AUTS2: variants seen among roughly 807,000 people sequenced by gnomAD.
AUTS2 encodes the protein autism susceptibility gene 2 protein.
A neutral mutation model predicts 112.4 loss-of-function variants in AUTS2; 17 were observed. That is an observed-to-expected ratio of 0.15 (90% CI 0.10 to 0.23). The LOEUF is 0.23. Ranked by LOEUF, AUTS2 falls within the 10% of genes least tolerant of loss-of-function variation. AUTS2 has a pLI of 1.00. For missense variants in AUTS2, 1,510 were observed against 1,701.6 expected, an observed-to-expected ratio of 0.89 and a Z score of 1.98; for synonymous variants, 751 against 702.7, an observed-to-expected ratio of 1.07 and a Z score of -1.09.
intron 1 of AUTS2, among the ~76,000 whole-genome samples, chr7:69,675,514 T>G (rs1373533886): frequency 6.1e-5 from 9 of 147,056 alleles, no homozygotes; most frequent in Non-Finnish European, 1.2e-4. Context: ...GGTTTTTTTT[T>G]TTTTTTTTTT....
rs191120024 is a variant in AUTS2 at position 70,641,057 on chromosome 7, C to T, written c.691-57512C>T. 1.7e-3 allele frequency among the ~76,000 whole-genome samples: 264 copies of T among 152,312 alleles called. 1 individual carries two copies. The highest frequency in any genetic ancestry group is 6.0e-3 in the African/African-American group (250 of 41,578). On this transcript the variant is annotated intron_variant, in intron 5 of 18. Coordinates refer to ENST00000342771, the MANE Select transcript of AUTS2 (RefSeq NM_015570.4). ...TTGGTCTAATCCCTCACCCAGCTTC[C>T]AGCCACACTAGTCCACCCGGCTCCA...
At chr7:69,846,975 G>A (rs1397362212) in intron 1 of AUTS2, among the ~76,000 whole-genome samples, 1 of 152,128 alleles carries the variant, frequency 6.6e-6, no homozygotes, top group Non-Finnish European at 1.5e-5. Flanking sequence ...TATAGTAGCA[G>A]GTGGTTGAGG....
chr7:69,613,557 A>C (rs1391808628), intron 1 of AUTS2, among the ~76,000 whole-genome samples: 1 of 152,172 alleles, frequency 6.6e-6, no homozygotes, highest in Non-Finnish European at 1.5e-5. Flanking sequence ...GTCTGTTCTA[A>C]ACCCTTGCAC....
intron 2 of AUTS2, among the ~76,000 whole-genome samples, chr7:70,111,348 C>A (rs1805079839): frequency 6.6e-6 from 1 of 152,170 alleles, no homozygotes. Flanking sequence ...AGGATGCTGA[C>A]TTTCTGGAGT....
chr7:70,733,243 T>C (rs1402547395), intron 6 of AUTS2, among the ~76,000 whole-genome samples: 1 of 152,144 alleles, frequency 6.6e-6, no homozygotes, highest in Non-Finnish European at 1.5e-5. Flanking sequence ...GTATCTTAAA[T>C]GGGATGCTTC....
At chr7:70,503,107 G>C (rs1186353701) in intron 5 of AUTS2, among the ~76,000 whole-genome samples, 2 of 152,092 alleles carry the variant, frequency 1.3e-5, no homozygotes, top group African/African-American at 4.8e-5. Context: ...CGAGGTAGCA[G>C]CACCCATAGG....
intron 1 of AUTS2, among the ~76,000 whole-genome samples, chr7:69,888,859 C>T (rs1794397001): frequency 6.6e-6 from 1 of 152,044 alleles, no homozygotes; most frequent in African/African-American, 2.4e-5. Flanking sequence ...CAGGCATGAG[C>T]CACCAGGCCC....
intron 1 of AUTS2, among the ~76,000 whole-genome samples, chr7:69,697,160 T>G (rs977484049): frequency 1.3e-5 from 2 of 152,232 alleles, no homozygotes; most frequent in African/African-American, 4.8e-5. Context: ...GCCTTAAAAT[T>G]TGCATTTCTC....
intron 6 of AUTS2, among the ~76,000 whole-genome samples, chr7:70,755,997 C>G (rs1789172485): frequency 6.6e-6 from 1 of 151,900 alleles, no homozygotes; most frequent in African/African-American, 2.4e-5. Flanking sequence ...TTGTTTTGCA[C>G]TTTTCCTCCT....
At chr7:70,438,674 G>A (rs370932834) in intron 5 of AUTS2, among the ~76,000 whole-genome samples, 15 of 152,268 alleles carry the variant, frequency 9.9e-5, no homozygotes, top group African/African-American at 3.1e-4. Flanking sequence ...CTGCTCTGTC[G>A]GAGCCTGGGT....
chr7:70,772,462 G>A lies in AUTS2; in HGVS notation c.1830+818G>A, dbSNP rs1038421893. On this transcript the variant is annotated intron_variant, in intron 11 of 18. Coordinates refer to ENST00000342771, the MANE Select transcript of AUTS2 (RefSeq NM_015570.4). ...CCTTCACACAAAAATAAAAAGAGCC[G>A]TACTTTCATGTGGGTAACCATTCTC... Among the ~76,000 whole-genome samples the A allele has an allele frequency of 3.3e-5, 5 of 152,130 alleles. No individual in the cohort carries two copies. In the South Asian group the frequency reaches 8.3e-4, roughly 25 times the overall value.
At chr7:70,272,236 A>T (rs964573474) in intron 4 of AUTS2, among the ~76,000 whole-genome samples, 14 of 138,722 alleles carry the variant, frequency 1.0e-4, no homozygotes, top group African/African-American at 1.8e-4. Flanking sequence ...TAGTTAAATT[A>T]AAAAAAAAAA....
intron 4 of AUTS2, among the ~76,000 whole-genome samples, chr7:70,195,507 CG>C (rs1250756772): frequency 6.6e-6 from 1 of 152,008 alleles, no homozygotes; most frequent in Non-Finnish European, 1.5e-5. Flanking sequence ...GAAAATTAGT[CG>C]GGCACTGTGC....
chr7:69,888,569 A>ATATATATG (rs1382059189), intron 1 of AUTS2, among the ~76,000 whole-genome samples: 1 of 141,548 alleles, frequency 7.1e-6, no homozygotes, highest in Non-Finnish European at 1.5e-5. Context: ...ATATATATAT[A>ATATATATG]TATGTATGGT....
chr7:69,647,568 C>T (rs1795080816), intron 1 of AUTS2, among the ~76,000 whole-genome samples: 1 of 152,110 alleles, frequency 6.6e-6, no homozygotes, highest in Admixed American at 6.5e-5. Flanking sequence ...ATTGCCTAGG[C>T]TGGTCTTGAA....
intron 5 of AUTS2, among the ~76,000 whole-genome samples, chr7:70,593,711 G>C (rs1055482310): frequency 3.3e-5 from 5 of 152,212 alleles, no homozygotes; most frequent in African/African-American, 1.2e-4. Context: ...TCAGGAAAGC[G>C]AGGAACTATT....
intron 4 of AUTS2, among the ~76,000 whole-genome samples, chr7:70,411,826 C>A (rs919843178): frequency 4.0e-5 from 6 of 151,380 alleles, no homozygotes; most frequent in Non-Finnish European, 7.4e-5. Context: ...GGGATATGAA[C>A]GAGGTGGTTT....
In AUTS2 at chr7:70,115,049, T is replaced by G. The variant is rs138428726; in HGVS notation, c.523-3083T>G. 2.5e-4 allele frequency among the ~76,000 whole-genome samples: 38 copies of G among 152,292 alleles called. No homozygotes were observed. The East Asian group carries it at 6.4e-3, about 26-fold the overall frequency. On this transcript the variant is annotated intron_variant, in intron 2 of 18. Coordinates refer to ENST00000342771, the MANE Select transcript of AUTS2 (RefSeq NM_015570.4). ...GAGAATTCACTGAAGTGTTTTTTGC[T>G]GGCAGGGCACTGGGAAGGCTAGCAG...
intron 4 of AUTS2, among the ~76,000 whole-genome samples, chr7:70,390,326 G>T (rs1793796176): frequency 6.6e-6 from 1 of 152,158 alleles, no homozygotes; most frequent in African/African-American, 2.4e-5. Flanking sequence ...CCGGGAATGT[G>T]TCTTTTTAGA....
Sources: allele counts gnomAD v4.1 joint callset (sites outside exome capture counted in the v4.1 genomes callset), GRCh38; gene constraint gnomAD v4.1.1; transcripts MANE v1.5; gene names NCBI Gene and HGNC (gene_info 2026-07-23, HGNC 2026-07-21).